The following SYNGR1 variants were observed in gnomAD, a reference collection of about 807,000 sequenced individuals.
The protein encoded by SYNGR1 is synaptogyrin-1.
SYNGR1 carries 14 observed loss-of-function variants against 26.1 expected under a neutral mutation model. The observed-to-expected ratio is 0.54, with a 90% CI of 0.35 to 0.84. SYNGR1 has a LOEUF of 0.84. SYNGR1 is among the 40% of genes least tolerant of loss of function. The pLI, the probability that SYNGR1 is intolerant of heterozygous loss-of-function variation, is 0.01. For missense variants in SYNGR1, 319 were observed against 332.9 expected, an observed-to-expected ratio of 0.96 and a Z score of 0.33; for synonymous variants, 141 against 150.1, an observed-to-expected ratio of 0.94 and a Z score of 0.44.
intron 2 of SYNGR1, 139 bp from the exon 3 acceptor site, chr22:39,375,913 C>G (rs549776757): frequency 2.6e-6 from 3 of 1,162,392 alleles, no homozygotes; most frequent in African/African-American, 3.0e-5. Flanking sequence ...CCCCCTTTGC[C>G]TGTCCCTTTG....
At chr22:39,367,983 T>C (rs1421720008) in intron 1 of SYNGR1, among the ~76,000 whole-genome samples, 1 of 152,236 alleles carries the variant, frequency 6.6e-6, no homozygotes, top group African/African-American at 2.4e-5. Context: ...TTGCACTTTC[T>C]GTTCCTGTGC....
At chr22:39,381,054 A>G (rs57910398) in intron 3 of SYNGR1, among the ~76,000 whole-genome samples, 6,416 of 152,240 alleles carry the variant, frequency 0.042, 471 homozygotes, top group African/African-American at 0.15. Flanking sequence ...GCCTCAAGCA[A>G]TCCTTCCACC....
intron 1 of SYNGR1, chr22:39,364,255 CAG>C (rs1924627194): frequency 1.2e-6 from 2 of 1,614,100 alleles, no homozygotes; most frequent in South Asian, 1.1e-5. Context: ...CAGCTGGACA[CAG>C]AGGTCGTGGG....
chr22:39,374,246 C>G lies in SYNGR1; in HGVS notation c.100-70C>G. 2.0e-6 allele frequency: 3 copies of G among 1,486,544 alleles called. No homozygotes were observed. In the Admixed American group the frequency reaches 5.0e-5, roughly 25 times the overall value. The allele number at this position is 1,486,544 out of a possible 1,614,324, so 92.1% of individuals were successfully genotyped here. A position where few individuals can be genotyped will look rare whatever the true frequency, so the allele number is the denominator to read the frequency against. On this transcript the variant is annotated intron_variant, in intron 1 of 3. Transcript: ENST00000328933. Reference sequence around the variant, plus strand: ...GCCAGGCAGCAGGCGAGGGTGGCAGCCTCCCCGTCCCCTGGGTGGTGTGAG... The same window carrying G: ...GCCAGGCAGCAGGCGAGGGTGGCAGGCTCCCCGTCCCCTGGGTGGTGTGAG...
intron 3 of SYNGR1, chr22:39,378,486 T>A: frequency 1.1e-5 from 11 of 985,008 alleles, no homozygotes; most frequent in Non-Finnish European, 1.3e-5. Flanking sequence ...TCCAAAGGAT[T>A]TTGGTCTCTG....
intron 1 of SYNGR1, among the ~76,000 whole-genome samples, chr22:39,370,435 C>A (rs5757644): frequency 3.3e-5 from 5 of 151,772 alleles, no homozygotes; most frequent in Admixed American, 1.3e-4. Context: ...TGGCCTATAC[C>A]CAGCTAATTT....
At chr22:39,363,733 T>TGTG (rs1924599359) in intron 1 of SYNGR1, among the ~76,000 whole-genome samples, 1 of 152,010 alleles carries the variant, frequency 6.6e-6, no homozygotes, top group Admixed American at 6.5e-5. Flanking sequence ...GAGAGGAGGC[T>TGTG]GTGGTGGTGT....
At chr22:39,370,171 G>A (rs563784497) in intron 1 of SYNGR1, among the ~76,000 whole-genome samples, 8 of 152,014 alleles carry the variant, frequency 5.3e-5, no homozygotes, top group Middle Eastern at 3.4e-3. Context: ...GATCTCTGTC[G>A]CCCAGGCTGG....
Position 39,364,051 on chromosome 22 carries a change from C to G in SYNGR1, c.100-10265C>G, listed in dbSNP as rs761503683. The G allele has an allele frequency of 2.2e-6, 3 of 1,388,110 alleles. No homozygotes were observed. In the East Asian group the frequency reaches 7.4e-5, roughly 34 times the overall value. The allele number at this position is 1,388,110 out of a possible 1,614,324, so 86.0% of individuals were successfully genotyped here. On this transcript the variant is annotated intron_variant, in intron 1 of 3. Coordinates refer to ENST00000328933, the MANE Select transcript of SYNGR1 (RefSeq NM_004711.5). ...CAGCTCGCCCTGAGCCTTCGTTAGC[C>G]GACGCCCTGCAGTGGGTCCTAGGCA... is the stretch of plus-strand genomic sequence containing the variant.
At position 39,381,876 on chromosome 22, in the gene SYNGR1, G is replaced by A. The variant is rs899242914; in HGVS notation, c.664G>A (p.Asp222Asn). ...GTYQQPANTF[D>N]TEPQGYQSQG... ...CTACCAGCAGCCGGCCAACACCTTCGACACCGAGCCCCAGGGCTACCAGTC... is the reference window on the plus strand; with the variant it reads ...CTACCAGCAGCCGGCCAACACCTTCAACACCGAGCCCCAGGGCTACCAGTC... Residue 222 changes from aspartate (D) to asparagine (N), a missense_variant, in exon 4 of 4, where the codon GAC (aspartate) becomes AAC (asparagine). Asp to Asn is a conservative substitution (Grantham distance 23). Coordinates refer to ENST00000328933, the MANE Select transcript of SYNGR1 (RefSeq NM_004711.5). The A allele has an allele frequency of 3.1e-6, 5 of 1,612,620 alleles. No individual in the cohort carries two copies. Among genetic ancestry groups the A allele is most frequent in the Admixed American group, 3.3e-5 (2 of 59,968 alleles).
intron 1 of SYNGR1, among the ~76,000 whole-genome samples, chr22:39,355,461 GCTT>G (rs1228827012): frequency 6.6e-6 from 1 of 152,206 alleles, no homozygotes; most frequent in African/African-American, 2.4e-5. Context: ...CCGCTCCGCC[GCTT>G]CTTCTCTCTC....
At chr22:39,375,424 C>G (rs1925234105) in intron 2 of SYNGR1, 1 of 173,206 alleles carries the variant, frequency 5.8e-6, no homozygotes, top group Non-Finnish European at 1.2e-5. Flanking sequence ...TTGGCACTCA[C>G]AGGAGATTGC....
intron 1 of SYNGR1, among the ~76,000 whole-genome samples, chr22:39,370,070 C>A (rs1256008130): frequency 6.6e-6 from 1 of 151,974 alleles, no homozygotes; most frequent in East Asian, 1.9e-4. Flanking sequence ...CAGGCTCAAG[C>A]AATCCTCCCA....
At chr22:39,372,364 C>T (rs1161184911) in intron 1 of SYNGR1, among the ~76,000 whole-genome samples, 1 of 150,726 alleles carries the variant, frequency 6.6e-6, no homozygotes, top group Admixed American at 6.6e-5. Context: ...ATCTCCTGAC[C>T]TCGTGATTTG....
rs111500880 is a variant in SYNGR1, at chr22:39,362,547, T to A, written c.100-11769T>A. On this transcript the variant is annotated intron_variant, in intron 1 of 3. Transcript: ENST00000328933. ...ATGCGGCTTCAGCCATTTTCCTCAC[T>A]TGACCCTGGGGGAAGACAAGGCCCT... 6.7e-3 allele frequency among the ~76,000 whole-genome samples: 1,024 copies of A among 152,174 alleles called. 8 individuals carry two copies. Among genetic ancestry groups the A allele is most frequent in the African/African-American group, 0.024 (985 of 41,522 alleles).
At chr22:39,359,053 G>T (rs1452977877) in intron 1 of SYNGR1, among the ~76,000 whole-genome samples, 1 of 152,210 alleles carries the variant, frequency 6.6e-6, no homozygotes, top group African/African-American at 2.4e-5. Context: ...AAGAGTCCCT[G>T]AGCCTTCAGC....
chr22:39,358,325 A>G (rs569005781), intron 1 of SYNGR1, among the ~76,000 whole-genome samples: 3 of 152,338 alleles, frequency 2.0e-5, no homozygotes, highest in Admixed American at 6.5e-5. Flanking sequence ...ACTCGGCTCT[A>G]CCAATCAGCA....
intron 1 of SYNGR1, among the ~76,000 whole-genome samples, chr22:39,355,996 G>T (rs1276375102): frequency 6.6e-6 from 1 of 152,168 alleles, no homozygotes; most frequent in Non-Finnish European, 1.5e-5. Flanking sequence ...TCCAGCCTGG[G>T]CTAAAAGAGT....
rs543582255 is a variant in SYNGR1 at position 39,354,123 on chromosome 22, A to G, written c.99+4014A>G. Among the ~76,000 whole-genome samples the G allele has an allele frequency of 1.1e-4, 17 of 152,252 alleles. No homozygotes were observed. In the South Asian group the frequency reaches 3.5e-3, roughly 32 times the overall value. On this transcript the variant is annotated intron_variant, in intron 1 of 3. Transcript: ENST00000328933. ...GTGATCCACCCGCCTCAGCCTCCCAAAGTGCTGGGATTACAGGTGTGAGCC... is the reference window on the plus strand; with the variant it reads ...GTGATCCACCCGCCTCAGCCTCCCAGAGTGCTGGGATTACAGGTGTGAGCC...
Sources: gnomAD v4.1 joint callset for allele counts (sites outside exome capture counted in the v4.1 genomes callset) on GRCh38, gnomAD v4.1.1 for gene constraint, MANE v1.5 for transcripts, NCBI Gene and HGNC (gene_info 2026-07-23, HGNC 2026-07-21) for gene names.